The following SPMIP2 variants were observed in gnomAD, a reference collection of about 807,000 sequenced individuals.
SPMIP2 encodes the protein sperm microtubule inner protein 2, also known as protein SPMIP2.
chr4:158,970,507 T>C, the SPMIP2 span, among the ~76,000 whole-genome samples: 2 of 151,218 alleles, frequency 1.3e-5, no homozygotes, highest in Non-Finnish European at 2.9e-5. Flanking sequence ...GCCACTGTAC[T>C]CCAGCCTGGG....
At chr4:158,933,996 C>T in the SPMIP2 span, among the ~76,000 whole-genome samples, 29 of 152,278 alleles carry the variant, frequency 1.9e-4, no homozygotes, top group East Asian at 5.6e-3. Context: ...AGGTTACAGA[C>T]ACTATGCCAG....
chr4:158,999,425 G>A, the SPMIP2 span, among the ~76,000 whole-genome samples: 1 of 152,124 alleles, frequency 6.6e-6, no homozygotes, highest in Non-Finnish European at 1.5e-5. Context: ...TTCAATTTAG[G>A]CCAGGGTAAT....
chr4:158,895,697 A>G, the SPMIP2 span: 28 of 1,102,650 alleles, frequency 2.5e-5, no homozygotes, highest in Middle Eastern at 3.9e-4. Context: ...CTCTTAAAAT[A>G]TTGGCAGAGA....
chr4:159,011,822 G>T, the SPMIP2 span, among the ~76,000 whole-genome samples: 8 of 151,894 alleles, frequency 5.3e-5, no homozygotes, highest in African/African-American at 1.9e-4. Context: ...CACTTTGGGA[G>T]GCCAGGGTGG....
chr4:159,006,193 G>A, the SPMIP2 span, among the ~76,000 whole-genome samples: 1 of 152,204 alleles, frequency 6.6e-6, no homozygotes, highest in Non-Finnish European at 1.5e-5. Context: ...TAAAGCTGGT[G>A]GATAATTATA....
the SPMIP2 span, among the ~76,000 whole-genome samples, chr4:159,078,588 C>G: frequency 6.6e-6 from 1 of 152,102 alleles, no homozygotes; most frequent in Non-Finnish European, 1.5e-5. Context: ...CCTTCCAAAG[C>G]CTGGGTATTT....
the SPMIP2 span, among the ~76,000 whole-genome samples, chr4:158,969,752 G>A: frequency 2.8e-4 from 42 of 152,248 alleles, no homozygotes; most frequent in African/African-American, 9.6e-4. Context: ...ATCCTTAACC[G>A]CCAGTCTTAT....
At chr4:159,041,632 G>C in the SPMIP2 span, among the ~76,000 whole-genome samples, 2 of 152,180 alleles carry the variant, frequency 1.3e-5, no homozygotes, top group Non-Finnish European at 2.9e-5. Context: ...TCTCTATTCT[G>C]CCTTGTAAAA....
At chr4:159,020,116 T>C in the SPMIP2 span, among the ~76,000 whole-genome samples, 1 of 150,798 alleles carries the variant, frequency 6.6e-6, no homozygotes, top group Non-Finnish European at 1.5e-5. Context: ...CCAGACTCCA[T>C]CTTTAAAAAA....
At chr4:158,917,893 AT>A in the SPMIP2 span, among the ~76,000 whole-genome samples, 2 of 151,418 alleles carry the variant, frequency 1.3e-5, no homozygotes, top group African/African-American at 4.9e-5. Context: ...TAATTTTTGT[AT>A]TTTTAGTAGA....
chr4:158,981,295 C>T, the SPMIP2 span, among the ~76,000 whole-genome samples: 1 of 152,104 alleles, frequency 6.6e-6, no homozygotes, highest in Non-Finnish European at 1.5e-5. Flanking sequence ...GGATATTACC[C>T]AAACGAACTT....
the SPMIP2 span, among the ~76,000 whole-genome samples, chr4:159,027,158 T>A: frequency 6.6e-6 from 1 of 152,090 alleles, no homozygotes; most frequent in East Asian, 1.9e-4. Flanking sequence ...AAGAACAGTG[T>A]TTGATGGAGG....
At chr4:159,037,895 T>C in the SPMIP2 span, among the ~76,000 whole-genome samples, 6 of 151,884 alleles carry the variant, frequency 4.0e-5, no homozygotes, top group Admixed American at 6.6e-5. Flanking sequence ...ATACTGAACA[T>C]ACTATCTTTT....
the SPMIP2 span, among the ~76,000 whole-genome samples, chr4:159,003,977 G>A: frequency 1.3e-5 from 2 of 152,070 alleles, no homozygotes; most frequent in African/African-American, 2.4e-5. Flanking sequence ...GACTTTTGAC[G>A]AGTCATCACC....
chr4:159,070,322 G>C, the SPMIP2 span, among the ~76,000 whole-genome samples: 4 of 152,266 alleles, frequency 2.6e-5, 1 homozygote, highest in East Asian at 7.7e-4. Flanking sequence ...CAGTCATCAA[G>C]TATTTAATTG....
At chr4:158,900,450 A>G in the SPMIP2 span, among the ~76,000 whole-genome samples, 5 of 152,254 alleles carry the variant, frequency 3.3e-5, no homozygotes, top group Non-Finnish European at 5.9e-5. Context: ...AAAGTCTCCC[A>G]TTATTATTGT....
the SPMIP2 span, among the ~76,000 whole-genome samples, chr4:159,062,697 G>GTCTCTCTCTTTCTCTCTCTCTCTC: frequency 1.8e-4 from 17 of 95,112 alleles, no homozygotes; most frequent in African/African-American, 6.2e-4. Flanking sequence ...TTGAAACAGG[G>GTCTCTCTCTTTCTCTCTCTCTCTC]TCTCTCTCTC....
At chr4:159,066,611 A>ATATATATAT in the SPMIP2 span, among the ~76,000 whole-genome samples, 1 of 51,204 alleles carries the variant, frequency 2.0e-5, no homozygotes, top group Non-Finnish European at 4.8e-5. Context: ...ATATATATAT[A>ATATATATAT]TATATATATA....
the SPMIP2 span, among the ~76,000 whole-genome samples, chr4:158,912,000 G>A: frequency 6.6e-6 from 1 of 151,752 alleles, no homozygotes; most frequent in African/African-American, 2.4e-5. Flanking sequence ...AATCCAGAAG[G>A]GGAAAATAAT....
Sources: allele counts gnomAD v4.1 joint callset (sites outside exome capture counted in the v4.1 genomes callset), GRCh38; gene constraint gnomAD v4.1.1; transcripts MANE v1.5; gene names NCBI Gene and HGNC (gene_info 2026-07-23, HGNC 2026-07-21).